The following TAF12 variants were observed in gnomAD, a reference collection of about 807,000 sequenced individuals.
TAF12 encodes the protein TATA-box binding protein associated factor 12, also known as transcription initiation factor TFIID subunit 12.
A neutral mutation model predicts 20.8 loss-of-function variants in TAF12; 3 were observed. That is an observed-to-expected ratio of 0.14 (90% CI 0.07 to 0.37). The LOEUF is 0.37. TAF12 is among the 10% of genes least tolerant of loss of function. TAF12 has a pLI of 1.00. For synonymous variants in TAF12, 69 were observed against 70.2 expected, an observed-to-expected ratio of 0.98 and a Z score of 0.09; for missense variants, 131 against 197.9, an observed-to-expected ratio of 0.66 and a Z score of 2.03.
chr1:28,639,384 C>G (rs1667958152), intron 1 of TAF12, among the ~76,000 whole-genome samples: 1 of 134,804 alleles, frequency 7.4e-6, no homozygotes, highest in Non-Finnish European at 1.5e-5. Flanking sequence ...CCACTGCTCT[C>G]CAGCCTGGGT....
intron 1 of TAF12, among the ~76,000 whole-genome samples, chr1:28,639,953 C>T (rs1667978896): frequency 6.6e-6 from 1 of 152,102 alleles, no homozygotes; most frequent in Non-Finnish European, 1.5e-5. Flanking sequence ...TGATTCTCTC[C>T]CACCTCAGCC....
chr1:28,604,766 A>G (rs1222496857), intron 5 of TAF12, among the ~76,000 whole-genome samples: 1 of 152,204 alleles, frequency 6.6e-6, no homozygotes, highest in Non-Finnish European at 1.5e-5. Flanking sequence ...CACTTAAGTT[A>G]AGACAGAAAG....
chr1:28,616,540 C>G (rs1308587587), intron 3 of TAF12, among the ~76,000 whole-genome samples: 2 of 151,946 alleles, frequency 1.3e-5, no homozygotes, highest in Non-Finnish European at 2.9e-5. Context: ...CGAGACCAGC[C>G]TGGCCAACAT....
At position 28,605,376 on chromosome 1, in the gene TAF12, T is replaced by C. The variant is rs1405973146; in HGVS notation, c.446A>G (p.Lys149Arg). 18 of 1,613,944 alleles carry C rather than the reference T, an allele frequency of 1.1e-5. No individual in the cohort carries two copies. The highest frequency in any genetic ancestry group is 3.3e-5 in the Admixed American group (2 of 59,984). ...AGGGCTCTGGCATTTCCTCACCTGT[T>C]TGTGAGCTTCTGTGGTGCAAGCTTT... is the stretch of plus-strand genomic sequence containing the variant. ...YKKACTTEAH[K>R]QRMALIRKTT... is the part of the protein sequence containing the mutation. Residue 149 changes from lysine to arginine, a missense_variant, in exon 5 of 6, where the codon AAA becomes AGA. Lys to Arg is a conservative substitution (Grantham distance 26). Transcript: ENST00000373824.
At chr1:28,644,491 C>G (rs551426091), upstream of TAF12, among the ~76,000 whole-genome samples, 2 of 152,198 alleles carry the variant, frequency 1.3e-5, no homozygotes, top group East Asian at 3.8e-4. Context: ...AATGTATATA[C>G]GTTCATTTGA....
chr1:28,635,887 CT>C (rs754243677), intron 1 of TAF12, among the ~76,000 whole-genome samples: 1 of 151,720 alleles, frequency 6.6e-6, no homozygotes, highest in Non-Finnish European at 1.5e-5. Context: ...CCTTCAAAAC[CT>C]TTTTTTACCT....
chr1:28,616,280 C>T (rs1667037987), intron 3 of TAF12, among the ~76,000 whole-genome samples: 1 of 151,240 alleles, frequency 6.6e-6, no homozygotes, highest in Non-Finnish European at 1.5e-5. Context: ...CCTGTAATCC[C>T]AGCTACTCGG....
At chr1:28,603,976 C>T in intron 5 of TAF12, among the ~76,000 whole-genome samples, 1 of 151,228 alleles carries the variant, frequency 6.6e-6, no homozygotes, top group South Asian at 2.1e-4. Context: ...ATGATTTCGG[C>T]TCACTGCAAC....
intron 1 of TAF12, among the ~76,000 whole-genome samples, chr1:28,636,040 T>A (rs1397799849): frequency 1.3e-5 from 2 of 152,194 alleles, no homozygotes; most frequent in Non-Finnish European, 2.9e-5. Flanking sequence ...CCTCTCTGGC[T>A]TCTAAATGTA....
chr1:28,641,772 CGACA>C (rs1668042752), intron 1 of TAF12, among the ~76,000 whole-genome samples: 2 of 126,812 alleles, frequency 1.6e-5, no homozygotes, highest in Non-Finnish European at 1.6e-5. Context: ...TCAGACTGGG[CGACA>C]GAGAGAGAAC....
chr1:28,605,822 C>A (rs1041676204), intron 4 of TAF12, among the ~76,000 whole-genome samples: 1 of 152,068 alleles, frequency 6.6e-6, no homozygotes, highest in African/African-American at 2.4e-5. Flanking sequence ...TTCTTTAAGA[C>A]GGAATTTTGC....
At chr1:28,617,030 G>C (rs1667063630) in intron 3 of TAF12, among the ~76,000 whole-genome samples, 2 of 152,114 alleles carry the variant, frequency 1.3e-5, no homozygotes, top group Admixed American at 6.6e-5. Context: ...TGAGGCAGGA[G>C]AATCGCTTGA....
At chr1:28,647,837 G>A (rs912417327), upstream of TAF12, among the ~76,000 whole-genome samples, 6 of 151,284 alleles carry the variant, frequency 4.0e-5, no homozygotes, top group Admixed American at 6.6e-5. Flanking sequence ...TCGCGCCACT[G>A]CACTGCAGCC....
chr1:28,618,228 G>A (rs1319929977), intron 2 of TAF12, among the ~76,000 whole-genome samples, 198 bp from the exon 3 acceptor site: 3 of 152,180 alleles, frequency 2.0e-5, no homozygotes, highest in Non-Finnish European at 4.4e-5. Context: ...GGTGGAAAGA[G>A]CAGTTTGAAG....
chr1:28,626,341 A>C (rs1295632837), intron 1 of TAF12, among the ~76,000 whole-genome samples: 1 of 151,730 alleles, frequency 6.6e-6, no homozygotes, highest in African/African-American at 2.4e-5. Flanking sequence ...GCACTTTAGG[A>C]GGCCACGGCA....
intron 1 of TAF12, among the ~76,000 whole-genome samples, chr1:28,626,224 G>A (rs1667384471): frequency 1.3e-5 from 2 of 149,818 alleles, no homozygotes; most frequent in African/African-American, 4.9e-5. Flanking sequence ...TGATCCACCC[G>A]CCTCGGGCCT....
At chr1:28,622,266 TC>T in intron 1 of TAF12, 101 bp from the exon 2 acceptor site, 1 of 1,197,416 alleles carries the variant, frequency 8.4e-7, no homozygotes, top group Non-Finnish European at 1.1e-6. Flanking sequence ...ACAACTGTAA[TC>T]CCAGCACTTT....
intron 2 of TAF12, among the ~76,000 whole-genome samples, chr1:28,618,952 G>C (rs1417001000): frequency 6.6e-6 from 1 of 152,020 alleles, no homozygotes; most frequent in African/African-American, 2.4e-5. Context: ...GCAGGCTGAG[G>C]CAGGAGGATC....
At position 28,633,852 on chromosome 1, in the gene TAF12, C is replaced by T. The variant is rs1218347348; in HGVS notation, c.-85+9140G>A. ...GCTAGAATCCGGGAGGCGGAGGTTC[C>T]GGTGAGCCGAGATTGTGCCATCGCA... is the stretch of plus-strand genomic sequence containing the variant. On this transcript the variant is annotated intron_variant, in intron 1 of 5. Coordinates refer to ENST00000373824, the MANE Select transcript of TAF12 (RefSeq NM_005644.4). 2.7e-5 allele frequency among the ~76,000 whole-genome samples: 4 copies of T among 147,450 alleles called. No homozygotes were observed. The East Asian group carries it at 6.1e-4, about 23-fold the overall frequency.
Sources: allele counts gnomAD v4.1 joint callset (sites outside exome capture counted in the v4.1 genomes callset), GRCh38; gene constraint gnomAD v4.1.1; transcripts MANE v1.5; gene names NCBI Gene and HGNC (gene_info 2026-07-23, HGNC 2026-07-21).